PRKCE: variants seen among roughly 807,000 people sequenced by gnomAD.
PRKCE encodes protein kinase C epsilon.
PRKCE carries 16 observed loss-of-function variants against 85.4 expected under a neutral mutation model. The ratio of observed to expected loss-of-function variants is 0.19; its 90% confidence interval spans 0.13 to 0.28. The LOEUF (loss-of-function observed/expected upper bound fraction) is 0.28. Among genes scored for constraint, PRKCE ranks in the 10% least tolerant of loss-of-function variants. The pLI is 1.00. For synonymous variants in PRKCE, 388 were observed against 371.5 expected (o/e 1.04, Z -0.51); for missense variants, 573 against 975.2 (o/e 0.59, Z 5.49).
intron 1 of PRKCE, among the ~76,000 whole-genome samples, chr2:45,743,204 C>G (rs937900405): frequency 2.0e-5 from 3 of 152,078 alleles, no homozygotes; most frequent in African/African-American, 7.2e-5. Context: ...AGCATAATGA[C>G]TGCAGTTAAT....
chr2:45,981,234 G>A (rs886743755), intron 5 of PRKCE, among the ~76,000 whole-genome samples: 1 of 152,224 alleles, frequency 6.6e-6, no homozygotes, highest in African/African-American at 2.4e-5. Flanking sequence ...GAATATGGAT[G>A]TAGGTATTAT....
chr2:45,833,823 G>C (rs529720037), intron 1 of PRKCE, among the ~76,000 whole-genome samples: 1 of 152,310 alleles, frequency 6.6e-6, no homozygotes, highest in South Asian at 2.1e-4. Flanking sequence ...GCTTCAGAAT[G>C]CTTGGGTAGG....
chr2:45,877,009 C>T (rs1209598372), intron 2 of PRKCE, among the ~76,000 whole-genome samples: 1 of 152,130 alleles, frequency 6.6e-6, no homozygotes, highest in Non-Finnish European at 1.5e-5. Flanking sequence ...GTATTTATGC[C>T]TACTTATAAA....
intron 11 of PRKCE, among the ~76,000 whole-genome samples, chr2:46,096,121 T>C (rs2104008689): frequency 6.6e-6 from 1 of 152,322 alleles, no homozygotes; most frequent in Non-Finnish European, 1.5e-5. Flanking sequence ...AGCACAGAGT[T>C]TGAGGTCAGA....
At chr2:45,851,491 A>G (rs1194352832) in intron 2 of PRKCE, among the ~76,000 whole-genome samples, 7 of 152,214 alleles carry the variant, frequency 4.6e-5, no homozygotes, top group Admixed American at 4.6e-4. Flanking sequence ...CTATGCAAGG[A>G]TACACAGCAG....
chr2:45,723,703 C>T (rs1018307771), intron 1 of PRKCE, among the ~76,000 whole-genome samples: 1 of 152,190 alleles, frequency 6.6e-6, no homozygotes, highest in Non-Finnish European at 1.5e-5. Flanking sequence ...CTTCCGGTTT[C>T]AAGCGATTCT....
intron 11 of PRKCE, among the ~76,000 whole-genome samples, chr2:46,115,108 A>G (rs976958055): frequency 6.6e-6 from 1 of 152,172 alleles, no homozygotes; most frequent in African/African-American, 2.4e-5. Flanking sequence ...GCTTGATCAC[A>G]GTGTAGCGCA....
intron 10 of PRKCE, among the ~76,000 whole-genome samples, chr2:46,021,699 A>G (rs1027031895): frequency 2.6e-5 from 4 of 152,242 alleles, no homozygotes; most frequent in African/African-American, 9.6e-5. Context: ...AAAAAGTTTC[A>G]TCTTGAAATC....
At chr2:45,910,626 G>A (rs1441611280) in intron 2 of PRKCE, among the ~76,000 whole-genome samples, 2 of 152,204 alleles carry the variant, frequency 1.3e-5, no homozygotes, top group South Asian at 2.1e-4. Context: ...ATCATTAAAT[G>A]AAGTGTTATC....
intron 1 of PRKCE, among the ~76,000 whole-genome samples, chr2:45,748,548 C>T (rs548488067): frequency 6.6e-6 from 1 of 152,228 alleles, no homozygotes; most frequent in Non-Finnish European, 1.5e-5. Context: ...GTTTAGATCT[C>T]GGTATGACTC....
intron 1 of PRKCE, among the ~76,000 whole-genome samples, chr2:45,679,376 A>G (rs1315972780): frequency 1.3e-5 from 2 of 152,216 alleles, no homozygotes; most frequent in East Asian, 3.8e-4. Context: ...TTTATTCCAC[A>G]TCAATTCACA....
chr2:45,710,883 A>G (rs1679568014), intron 1 of PRKCE, among the ~76,000 whole-genome samples: 1 of 152,204 alleles, frequency 6.6e-6, no homozygotes, highest in South Asian at 2.1e-4. Flanking sequence ...TGACTTGTCT[A>G]GAGGCTGAAC....
chr2:45,854,927 G>A (rs1411603698), intron 2 of PRKCE, among the ~76,000 whole-genome samples: 7 of 152,220 alleles, frequency 4.6e-5, no homozygotes, highest in Admixed American at 4.6e-4. Flanking sequence ...TTAGTTTAAT[G>A]TATGGAAAAA....
chr2:46,065,091 A>G (rs1667508763), intron 10 of PRKCE, among the ~76,000 whole-genome samples: 1 of 152,214 alleles, frequency 6.6e-6, no homozygotes, highest in Non-Finnish European at 1.5e-5. Flanking sequence ...GGCATCACAG[A>G]TTATACGATA....
At chr2:45,870,853 C>T (rs1292188187) in intron 2 of PRKCE, among the ~76,000 whole-genome samples, 2 of 152,180 alleles carry the variant, frequency 1.3e-5, no homozygotes, top group Admixed American at 6.5e-5. Context: ...GTACTGGGCA[C>T]ATAGTGAGCG....
At chr2:45,712,481 C>A (rs55784511) in intron 1 of PRKCE, among the ~76,000 whole-genome samples, 1 of 152,018 alleles carries the variant, frequency 6.6e-6, no homozygotes, top group Non-Finnish European at 1.5e-5. Context: ...ACACCCAAAT[C>A]TGATCATGCT....
chr2:45,807,482 T>A (rs1688331415), intron 1 of PRKCE, among the ~76,000 whole-genome samples: 1 of 152,220 alleles, frequency 6.6e-6, no homozygotes, highest in Non-Finnish European at 1.5e-5. Context: ...TGTCTCCTAA[T>A]CCCATTTACC....
At chr2:46,085,759 T>TTTTTTTTTTTTTTTG (rs1669573480) in intron 10 of PRKCE, among the ~76,000 whole-genome samples, 1 of 134,862 alleles carries the variant, frequency 7.4e-6, no homozygotes, top group African/African-American at 3.2e-5. Context: ...GTTTTTGTTT[T>TTTTTTTTTTTTTTTG]TTTTTTTTTT....
rs537252857 is a variant in PRKCE, at chr2:45,888,151, A to G, written c.412+45088A>G. On this transcript the variant is annotated intron_variant, in intron 2 of 14. Transcript: ENST00000306156. ...AATGTGTGTGTGGATGATCCCAGAT[A>G]TAACAGATGGCAAAGAATTAAAAGT... Among the ~76,000 whole-genome samples, 8 of 152,234 alleles carry G rather than the reference A, an allele frequency of 5.3e-5. No individual in the cohort carries two copies. In the East Asian group the frequency reaches 1.5e-3, roughly 29 times the overall value.
Sources: allele counts gnomAD v4.1 joint callset (sites outside exome capture counted in the v4.1 genomes callset), GRCh38; gene constraint gnomAD v4.1.1; transcripts MANE v1.5; gene names NCBI Gene and HGNC (gene_info 2026-07-23, HGNC 2026-07-21).